Variants in ATE1 observed in about 807,000 individuals in gnomAD.
The protein encoded by ATE1 is arginyltransferase 1.
ATE1 carries 36 observed loss-of-function variants against 70.5 expected under a neutral mutation model. That is an observed-to-expected ratio of 0.51 (90% CI 0.39 to 0.67). The LOEUF is 0.67. ATE1 is among the 30% of genes least tolerant of loss of function. The pLI, the probability that ATE1 is intolerant of heterozygous loss-of-function variation, is 0.00. For synonymous variants in ATE1, 232 were observed against 219.3 expected, an observed-to-expected ratio of 1.06 and a Z score of -0.51; for missense variants, 593 against 629.5, an observed-to-expected ratio of 0.94 and a Z score of 0.62.
At chr10:121,755,626 G>C (rs1461596010) in intron 11 of ATE1, among the ~76,000 whole-genome samples, 1 of 152,178 alleles carries the variant, frequency 6.6e-6, no homozygotes, top group African/African-American at 2.4e-5. Flanking sequence ...ATGTGGCTGG[G>C]GAAGTCTCAC....
chr10:121,753,403 T>TG (rs1944667066), intron 11 of ATE1, among the ~76,000 whole-genome samples: 1 of 152,196 alleles, frequency 6.6e-6, no homozygotes, highest in East Asian at 1.9e-4. Context: ...AAAACAACAT[T>TG]GGCTCCCAAA....
intron 2 of ATE1, among the ~76,000 whole-genome samples, chr10:121,923,591 C>T (rs879836495): frequency 6.6e-6 from 1 of 152,176 alleles, no homozygotes; most frequent in Admixed American, 6.5e-5. Context: ...GATATTTCAG[C>T]TGGTGCTCCC....
intron 8 of ATE1, among the ~76,000 whole-genome samples, chr10:121,855,591 T>C (rs937047408): frequency 6.6e-6 from 1 of 152,210 alleles, no homozygotes; most frequent in African/African-American, 2.4e-5. Context: ...TTATTTCTCA[T>C]TGTATGTGAA....
At chr10:121,806,412 C>T (rs1284357916) in intron 10 of ATE1, among the ~76,000 whole-genome samples, 1 of 152,232 alleles carries the variant, frequency 6.6e-6, no homozygotes, top group African/African-American at 2.4e-5. Context: ...GTATTCACAC[C>T]ACTGTACTTT....
In ATE1 at chr10:121,819,804, G is replaced by A. The variant is rs1176148124; in HGVS notation, c.1257+16914C>T. On this transcript the variant is annotated intron_variant, in intron 10 of 11. Coordinates refer to ENST00000224652, the MANE Select transcript of ATE1 (RefSeq NM_001001976.3). ...TTATTCATGTAACCAAATACCAGCT[G>A]TTCCCCGCCCCCCAACAAAAACCTA... Among the ~76,000 whole-genome samples, 6 of 150,818 alleles carry A rather than the reference G, an allele frequency of 4.0e-5. No individual in the cohort carries two copies. The East Asian group carries it at 1.2e-3, about 30-fold the overall frequency.
chr10:121,840,991 C>T (rs1218046952), intron 9 of ATE1, 91 bp downstream of exon 9: 1 of 1,167,772 alleles, frequency 8.6e-7, no homozygotes, highest in African/African-American at 1.6e-5. Context: ...TCAATTAGGA[C>T]TTCTACTGTT....
chr10:121,928,439 G>C (rs892418441), upstream of ATE1: 361 of 1,517,974 alleles, frequency 2.4e-4, no homozygotes, highest in Non-Finnish European at 3.1e-4. Flanking sequence ...CATGGCCGCC[G>C]CGAGGGTCCG....
intron 10 of ATE1, among the ~76,000 whole-genome samples, chr10:121,813,555 C>T (rs1405328573): frequency 6.6e-6 from 1 of 152,138 alleles, no homozygotes; most frequent in Non-Finnish European, 1.5e-5. Flanking sequence ...TAGAGGGAAA[C>T]ATAACATTAC....
At chr10:121,745,594 G>A (rs562897435) in intron 11 of ATE1, among the ~76,000 whole-genome samples, 11 of 152,338 alleles carry the variant, frequency 7.2e-5, no homozygotes, top group South Asian at 6.2e-4. Context: ...AGGCGTGGTG[G>A]CGGGCGCCTG....
intron 10 of ATE1, among the ~76,000 whole-genome samples, chr10:121,791,258 T>TC (rs1284147958): frequency 6.6e-6 from 1 of 151,870 alleles, no homozygotes; most frequent in Non-Finnish European, 1.5e-5. Context: ...CACGCCATGC[T>TC]AATGTTTGTA....
At chr10:121,762,632 G>A (rs746388052) in intron 11 of ATE1, among the ~76,000 whole-genome samples, 5 of 152,168 alleles carry the variant, frequency 3.3e-5, no homozygotes, top group African/African-American at 7.2e-5. Flanking sequence ...GTGTGAGTGA[G>A]CTTGGTGAGT....
intron 9 of ATE1, 121 bp downstream of exon 9, chr10:121,840,961 C>T: frequency 1.1e-6 from 1 of 943,760 alleles, no homozygotes; most frequent in Non-Finnish European, 1.4e-6. Context: ...AGACTAGCAA[C>T]AAATCATTAT....
chr10:121,866,291 C>T (rs1564909483), intron 8 of ATE1, among the ~76,000 whole-genome samples: 1 of 152,130 alleles, frequency 6.6e-6, no homozygotes, highest in Non-Finnish European at 1.5e-5. Flanking sequence ...CAACAGAAAG[C>T]CCTCAAAATA....
chr10:121,873,050 T>C (rs1949917138), intron 7 of ATE1, among the ~76,000 whole-genome samples: 1 of 152,160 alleles, frequency 6.6e-6, no homozygotes. Context: ...TCTTCCTATG[T>C]ACCCACTTTT....
chr10:121,847,541 C>T (rs1482217084), intron 8 of ATE1, among the ~76,000 whole-genome samples: 1 of 151,678 alleles, frequency 6.6e-6, no homozygotes, highest in Admixed American at 6.6e-5. Flanking sequence ...GGGCAGATCA[C>T]GAGCTCAGGA....
rs765527392 is a variant in ATE1, at chr10:121,902,468, C to A, written c.736G>T (p.Ala246Ser). Reference protein sequence around the residue: ...GHPPSLFPPKAKSNQPKSLED... With the variant: ...GHPPSLFPPKSKSNQPKSLED... ...AGTGATTTTGGCTGGTTGGATTTAGCCTTTGGTGGAAACAAAGATGGTGGG... is the reference window on the plus strand; with the variant it reads ...AGTGATTTTGGCTGGTTGGATTTAGACTTTGGTGGAAACAAAGATGGTGGG... The change falls in exon 6 of 12, where the codon GCT becomes TCT. Residue 246 changes from alanine (A) to serine (S), a missense_variant. Ala to Ser is a moderately conservative substitution (Grantham distance 99, BLOSUM62 1). Transcript: ENST00000224652. 149 of 1,614,028 alleles carry A rather than the reference C, an allele frequency of 9.2e-5. No homozygotes were observed. Among genetic ancestry groups the A allele is most frequent in the Middle Eastern group, 4.9e-4 (3 of 6,084 alleles).
intron 3 of ATE1, among the ~76,000 whole-genome samples, chr10:121,916,608 G>A (rs1306211037): frequency 3.9e-5 from 6 of 151,926 alleles, no homozygotes; most frequent in African/African-American, 1.5e-4. Flanking sequence ...GGCTGAGGCA[G>A]GTGGATCACG....
At chr10:121,883,754 A>G (rs1359800534) in intron 7 of ATE1, among the ~76,000 whole-genome samples, 1 of 152,178 alleles carries the variant, frequency 6.6e-6, no homozygotes, top group East Asian at 1.9e-4. Flanking sequence ...CAATCACTCC[A>G]TATTTTACTG....
chr10:121,849,677 T>C (rs1487848412), intron 8 of ATE1, among the ~76,000 whole-genome samples: 1 of 152,242 alleles, frequency 6.6e-6, no homozygotes. Flanking sequence ...CTCAGCACTC[T>C]TGGTTAATAA....
Sources: gnomAD v4.1 joint callset for allele counts (sites outside exome capture counted in the v4.1 genomes callset) on GRCh38, gnomAD v4.1.1 for gene constraint, MANE v1.5 for transcripts, NCBI Gene and HGNC (gene_info 2026-07-23, HGNC 2026-07-21) for gene names.